The following PPM1G variants were observed in gnomAD, a reference collection of about 807,000 sequenced individuals.
PPM1G encodes the protein protein phosphatase, Mg2+/Mn2+ dependent 1G.
In PPM1G, 12 loss-of-function variants were observed where a neutral mutation model predicts 59.4. The ratio of observed to expected loss-of-function variants is 0.20; its 90% CI spans 0.13 to 0.33. The LOEUF (loss-of-function observed/expected upper bound fraction) is 0.33. PPM1G is among the 10% of genes least tolerant of loss of function. PPM1G has a pLI of 1.00. For missense variants in PPM1G, 392 were observed against 681.3 expected, an observed-to-expected ratio of 0.58 and a Z score of 4.73; for synonymous variants, 245 against 251.9, an observed-to-expected ratio of 0.97 and a Z score of 0.26.
At chr2:27,406,740 C>T (rs535029711) in intron 1 of PPM1G, among the ~76,000 whole-genome samples, 8 of 151,972 alleles carry the variant, frequency 5.3e-5, no homozygotes, top group Non-Finnish European at 1.2e-4. Context: ...GCAACTCAAT[C>T]CGTAAGTAAA....
intron 1 of PPM1G, chr2:27,393,130 G>C (rs1683957073): frequency 7.4e-7 from 1 of 1,348,312 alleles, no homozygotes; most frequent in Middle Eastern, 2.5e-4. Flanking sequence ...AGGAAGATTC[G>C]GCCACCTCGT....
rs1349062493 is a variant in PPM1G at position 27,384,568 on chromosome 2, G to C, written c.825+105C>G. On this transcript the variant is annotated intron_variant, in intron 5 of 9. Coordinates refer to ENST00000344034, the MANE Select transcript of PPM1G (RefSeq NM_177983.3). The surrounding 1 kb of genome is among the most constrained non-coding windows in gnomAD (Gnocchi z 4.8). ...GCTTAGAATACAGTGGGTCTTGGGG[G>C]ATGATGTCAAAATAGGAGAAGGAAA... 1 of 1,331,882 alleles carries C rather than the reference G, an allele frequency of 7.5e-7. No individual in the cohort carries two copies. Among genetic ancestry groups the C allele is most frequent in the Non-Finnish European group, 1.0e-6 (1 of 974,594 alleles). 82.5% of individuals were successfully genotyped at this position (1,331,882 alleles called of 1,614,324 possible). A position where few individuals can be genotyped will look rare whatever the true frequency, so the allele number is the denominator to read the frequency against.
intron 1 of PPM1G, among the ~76,000 whole-genome samples, chr2:27,406,257 T>C (rs1228737911): frequency 6.6e-6 from 1 of 152,178 alleles, no homozygotes; most frequent in Non-Finnish European, 1.5e-5. Flanking sequence ...GATTAAGCCC[T>C]AAAGCTTCAG....
intron 1 of PPM1G, among the ~76,000 whole-genome samples, chr2:27,391,106 T>C (rs1371008893): frequency 1.3e-5 from 2 of 152,256 alleles, no homozygotes; most frequent in Non-Finnish European, 2.9e-5. Flanking sequence ...ATGAGTTGAT[T>C]CAATGTTTTT....
chr2:27,394,327 T>C (rs1683992069), intron 1 of PPM1G, among the ~76,000 whole-genome samples: 1 of 152,228 alleles, frequency 6.6e-6, no homozygotes, highest in Non-Finnish European at 1.5e-5. Context: ...CTTTAAGCTG[T>C]TTCTTAGTTC....
rs76984581 is a variant in PPM1G at position 27,383,719 on chromosome 2, C to T, written c.967-119G>A. ...GGACCCCCAAAAGAGCTTTAACAAA[C>T]AGGAGAAGCACACATTTCATCTTTC... On this transcript the variant is annotated intron_variant, in intron 6 of 9. Coordinates refer to ENST00000344034, the MANE Select transcript of PPM1G (RefSeq NM_177983.3). The surrounding 1 kb of genome is among the most constrained non-coding windows in gnomAD (Gnocchi z 5.0). 0.15 allele frequency: 172,231 copies of T among 1,177,704 alleles called. 14,560 individuals are homozygous for T. Among genetic ancestry groups the T allele is most frequent in the Non-Finnish European group, 0.17 (144,800 of 842,760 alleles). 73.0% of individuals were successfully genotyped at this position (1,177,704 alleles called of 1,614,324 possible).
At chr2:27,402,514 A>C (rs910659450) in intron 1 of PPM1G, among the ~76,000 whole-genome samples, 1 of 152,122 alleles carries the variant, frequency 6.6e-6, no homozygotes, top group African/African-American at 2.4e-5. Context: ...TAAAATATAA[A>C]ATAATTTCTA....
In PPM1G at chr2:27,384,566, G is replaced by A. The variant is rs528471055; in HGVS notation, c.825+107C>T. On this transcript the variant is annotated intron_variant, in intron 5 of 9. Transcript: ENST00000344034. The surrounding 1 kb of genome is among the most constrained non-coding windows in gnomAD (Gnocchi z 4.8). ...AAGCTTAGAATACAGTGGGTCTTGG[G>A]GGATGATGTCAAAATAGGAGAAGGA... The A allele has an allele frequency of 1.7e-5, 23 of 1,322,312 alleles. No individual in the cohort carries two copies. In the African/African-American group the frequency reaches 3.4e-4, roughly 19 times the overall value. The allele number at this position is 1,322,312 out of a possible 1,614,324, so 81.9% of individuals were successfully genotyped here. A position where few individuals can be genotyped will look rare whatever the true frequency, so the allele number is the denominator to read the frequency against.
At chr2:27,406,221 G>C (rs1489434164) in intron 1 of PPM1G, among the ~76,000 whole-genome samples, 1 of 152,128 alleles carries the variant, frequency 6.6e-6, no homozygotes, top group Non-Finnish European at 1.5e-5. Context: ...CAAGCAAATA[G>C]GGTAAATAAA....
intron 1 of PPM1G, among the ~76,000 whole-genome samples, chr2:27,396,240 C>T (rs533954579): frequency 6.6e-6 from 1 of 152,198 alleles, no homozygotes; most frequent in Admixed American, 6.5e-5. Context: ...CCACTGCACT[C>T]CAGCCTGGGC....
Position 27,381,440 on chromosome 2 carries a change from G to A in PPM1G, c.*159C>T, listed in dbSNP as rs564057545. ...GACAGCAGAGGCTCCCGGCTGCAGT[G>A]TGGAGGGAGAGCCCTCTTTGGAATG... On this transcript the variant is annotated 3_prime_UTR_variant, in exon 10 of 10. Transcript: ENST00000344034. 3 of 747,466 alleles carry A rather than the reference G, an allele frequency of 4.0e-6. No homozygotes were observed. Among genetic ancestry groups the A allele is most frequent in the East Asian group, 2.7e-5 (1 of 37,334 alleles). The allele number at this position is 747,466 out of a possible 1,614,324, so 46.3% of individuals were successfully genotyped here.
At chr2:27,402,594 C>T (rs1684206238) in intron 1 of PPM1G, among the ~76,000 whole-genome samples, 2 of 151,682 alleles carry the variant, frequency 1.3e-5, no homozygotes, top group Non-Finnish European at 1.5e-5. Context: ...ATCACGAGGT[C>T]AGGAATCGAG....
intron 1 of PPM1G, among the ~76,000 whole-genome samples, chr2:27,405,779 G>A (rs886284095): frequency 2.4e-4 from 37 of 151,700 alleles, no homozygotes; most frequent in Non-Finnish European, 4.1e-4. Flanking sequence ...GAGGCGGGCC[G>A]ATCACCTGAG....
At chr2:27,402,821 T>C (rs1417795187) in intron 1 of PPM1G, among the ~76,000 whole-genome samples, 1 of 135,274 alleles carries the variant, frequency 7.4e-6, no homozygotes, top group Non-Finnish European at 1.6e-5. Flanking sequence ...AATAAATAAA[T>C]AAATAAATAA....
chr2:27,390,192 G>C (rs1394597258), intron 1 of PPM1G, among the ~76,000 whole-genome samples: 1 of 152,010 alleles, frequency 6.6e-6, no homozygotes, highest in Admixed American at 6.6e-5. Flanking sequence ...GCCAATTTTT[G>C]TATTTTCAGT....
Position 27,385,732 on chromosome 2 carries a change from G to GGAT in PPM1G, c.409+12_409+14dup. 1 of 1,596,244 alleles carries GGAT rather than the reference G, an allele frequency of 6.3e-7. No individual in the cohort carries two copies. ...AAATGCTGATTTCCCCTCAAACAAGGGATGCCACACTCACCATCATCTTCA... is the reference window on the plus strand; with the variant it reads ...AAATGCTGATTTCCCCTCAAACAAGGGATGATGCCACACTCACCATCATCTTCA... On this transcript the variant is annotated intron_variant, in intron 4 of 9. Coordinates refer to ENST00000344034, the MANE Select transcript of PPM1G (RefSeq NM_177983.3). The surrounding 1 kb of genome is among the most constrained non-coding windows in gnomAD (Gnocchi z 4.1).
intron 1 of PPM1G, among the ~76,000 whole-genome samples, chr2:27,388,957 G>C (rs1683832449): frequency 6.7e-6 from 1 of 148,358 alleles, no homozygotes; most frequent in African/African-American, 2.5e-5. Context: ...GTGAGATTTG[G>C]GTAATAATTT....
intron 1 of PPM1G, among the ~76,000 whole-genome samples, chr2:27,404,401 A>C (rs1572670035): frequency 6.6e-6 from 1 of 152,038 alleles, no homozygotes; most frequent in East Asian, 1.9e-4. Flanking sequence ...ACAAAAAAAA[A>C]TTAGCTGGCC....
At chr2:27,398,782 ACTG>A (rs1684111645) in intron 1 of PPM1G, among the ~76,000 whole-genome samples, 1 of 151,492 alleles carries the variant, frequency 6.6e-6, no homozygotes, top group Non-Finnish European at 1.5e-5. Context: ...AGATCATGCC[ACTG>A]CACTCCAGCC....
Sources: allele counts gnomAD v4.1 joint callset (sites outside exome capture counted in the v4.1 genomes callset), GRCh38; gene constraint gnomAD v4.1.1; non-coding constraint Gnocchi (gnomAD v3.1); transcripts MANE v1.5; gene names NCBI Gene and HGNC (gene_info 2026-07-23, HGNC 2026-07-21).